The following LDB2 variants were observed in gnomAD, a reference collection of about 807,000 sequenced individuals.
LDB2 encodes the protein LIM domain-binding protein 2.
Under a neutral mutation model 44.3 loss-of-function variants are expected in LDB2, and 12 were observed. The observed-to-expected ratio is 0.27, with a 90% CI of 0.17 to 0.44. The LOEUF (loss-of-function observed/expected upper bound fraction) is 0.44. Ranked by LOEUF, LDB2 falls within the 20% of genes least tolerant of loss-of-function variation. The probability of loss-of-function intolerance (pLI) is 1.00; values close to 1 mark genes in which losing one functional copy is unlikely to be tolerated. For missense variants in LDB2, 344 were observed against 473.5 expected, an observed-to-expected ratio of 0.73 and a Z score of 2.54; for synonymous variants, 164 against 174.8, an observed-to-expected ratio of 0.94 and a Z score of 0.49.
At chr4:16,724,225 T>C (rs1167939586) in intron 2 of LDB2, among the ~76,000 whole-genome samples, 2 of 152,050 alleles carry the variant, frequency 1.3e-5, no homozygotes, top group Non-Finnish European at 1.5e-5. Flanking sequence ...CCAAGGTCTG[T>C]TATATTTGAA....
At chr4:16,889,172 G>A (rs1439744602) in intron 1 of LDB2, 2 of 151,848 alleles carry the variant, frequency 1.3e-5, no homozygotes, top group Non-Finnish European at 2.9e-5. Context: ...TATACTGATA[G>A]AACTTCCCAT....
chr4:16,843,896 G>A (rs1009873742), intron 1 of LDB2, among the ~76,000 whole-genome samples: 4 of 152,062 alleles, frequency 2.6e-5, no homozygotes, highest in African/African-American at 7.2e-5. Context: ...GGGATTACAG[G>A]TGTGAGCTGC....
At position 16,892,964 on chromosome 4, in the gene LDB2, T is replaced by A. The variant is rs538043002; in HGVS notation, c.132+5390A>T. The A allele has an allele frequency of 1.5e-4, 42 of 283,924 alleles. No homozygotes were observed. The South Asian group carries it at 5.5e-3, about 37-fold the overall frequency. The allele number at this position is 283,924 out of a possible 1,614,324, so 17.6% of individuals were successfully genotyped here. On this transcript the variant is annotated intron_variant, in intron 1 of 7. Transcript: ENST00000304523. ...TTTTTCTTTTTTCTTCTTGGCCTCC[T>A]ATGAATAGTTAGTTTGCAGCAATTT...
At chr4:16,814,061 CG>C (rs1780442438) in intron 1 of LDB2, among the ~76,000 whole-genome samples, 1 of 151,976 alleles carries the variant, frequency 6.6e-6, no homozygotes, top group Non-Finnish European at 1.5e-5. Flanking sequence ...TTACTAGAGA[CG>C]GGGTTTCACT....
chr4:16,592,266 G>T (rs1378844471), intron 3 of LDB2, among the ~76,000 whole-genome samples: 1 of 151,928 alleles, frequency 6.6e-6, no homozygotes, highest in Non-Finnish European at 1.5e-5. Flanking sequence ...GTATATAGCT[G>T]CATAATACAA....
intron 7 of LDB2, among the ~76,000 whole-genome samples, chr4:16,507,516 A>T (rs1281651346): frequency 6.6e-6 from 1 of 152,152 alleles, no homozygotes. Flanking sequence ...AAGGGTAAGG[A>T]TGAGAGCAAG....
chr4:16,564,324 G>A (rs893613314), intron 5 of LDB2, among the ~76,000 whole-genome samples: 3 of 152,068 alleles, frequency 2.0e-5, no homozygotes, highest in Admixed American at 6.6e-5. Flanking sequence ...TCTCGTCACC[G>A]CACTCCAGCC....
chr4:16,623,462 T>C (rs930009780), intron 2 of LDB2, among the ~76,000 whole-genome samples: 1 of 152,088 alleles, frequency 6.6e-6, no homozygotes, highest in African/African-American at 2.4e-5. Flanking sequence ...CCAGGCGTGG[T>C]GCCACACACC....
intron 1 of LDB2, among the ~76,000 whole-genome samples, chr4:16,824,193 G>T (rs1280854445): frequency 6.6e-6 from 1 of 152,170 alleles, no homozygotes; most frequent in Non-Finnish European, 1.5e-5. Context: ...ATTAATAAGA[G>T]TTATTAGGGG....
At chr4:16,720,476 AAT>A (rs1209946675) in intron 2 of LDB2, among the ~76,000 whole-genome samples, 1 of 152,086 alleles carries the variant, frequency 6.6e-6, no homozygotes, top group African/African-American at 2.4e-5. Context: ...TAATTCTCCT[AAT>A]ATATGTCTCC....
At chr4:16,574,221 C>T (rs893522995) in intron 5 of LDB2, among the ~76,000 whole-genome samples, 1 of 152,210 alleles carries the variant, frequency 6.6e-6, no homozygotes, top group Non-Finnish European at 1.5e-5. Flanking sequence ...TCTAAATGCT[C>T]TCACACTCAG....
intron 5 of LDB2, 67 bp downstream of exon 5, chr4:16,585,855 G>T: frequency 8.5e-7 from 1 of 1,172,712 alleles, no homozygotes; most frequent in Non-Finnish European, 1.3e-6. Flanking sequence ...CTTGGTTCAG[G>T]ATGCATATAA....
chr4:16,665,268 CT>C (rs5856376), intron 2 of LDB2, among the ~76,000 whole-genome samples: 1,961 of 127,164 alleles, frequency 0.015, 37 homozygotes, highest in African/African-American at 0.056. Flanking sequence ...TTTTTCATTT[CT>C]TTTTTTTTTT....
At chr4:16,628,043 A>T (rs1360982950) in intron 2 of LDB2, among the ~76,000 whole-genome samples, 1 of 152,204 alleles carries the variant, frequency 6.6e-6, no homozygotes, top group African/African-American at 2.4e-5. Flanking sequence ...GGCCAATTCC[A>T]ACCACTCATC....
intron 5 of LDB2, among the ~76,000 whole-genome samples, chr4:16,527,071 T>C (rs1468282411): frequency 1.3e-5 from 2 of 152,248 alleles, no homozygotes; most frequent in Non-Finnish European, 2.9e-5. Flanking sequence ...TTATTTATTA[T>C]TTATCTGTTC....
At chr4:16,802,839 G>A (rs1318256901) in intron 1 of LDB2, among the ~76,000 whole-genome samples, 1 of 152,082 alleles carries the variant, frequency 6.6e-6, no homozygotes, top group Non-Finnish European at 1.5e-5. Context: ...AGCTCCTGAC[G>A]ACCAGGATCA....
At chr4:16,580,926 C>T (rs1577947439) in intron 5 of LDB2, among the ~76,000 whole-genome samples, 1 of 152,070 alleles carries the variant, frequency 6.6e-6, no homozygotes. Flanking sequence ...TTCTTTAAAG[C>T]TATTTAAAGA....
chr4:16,798,626 T>A (rs1579767337), intron 1 of LDB2, among the ~76,000 whole-genome samples: 1 of 152,064 alleles, frequency 6.6e-6, no homozygotes, highest in Admixed American at 6.5e-5. Flanking sequence ...CCCTCACACA[T>A]CTCCTAAAGG....
At chr4:16,630,718 G>T (rs1301023783) in intron 2 of LDB2, among the ~76,000 whole-genome samples, 1 of 152,242 alleles carries the variant, frequency 6.6e-6, no homozygotes, top group South Asian at 2.1e-4. Context: ...ATGCACATAG[G>T]CTCAAAGTAA....
Sources: allele counts gnomAD v4.1 joint callset (sites outside exome capture counted in the v4.1 genomes callset), GRCh38; gene constraint gnomAD v4.1.1; transcripts MANE v1.5; gene names NCBI Gene and HGNC (gene_info 2026-07-23, HGNC 2026-07-21).